Variants in BMPR1B observed in about 807,000 individuals in gnomAD.
The protein encoded by BMPR1B is bone morphogenetic protein receptor type-1B.
In BMPR1B, 12 loss-of-function variants were observed where a neutral mutation model predicts 59.1. The ratio of observed to expected loss-of-function variants is 0.20; its 90% CI spans 0.13 to 0.33. The LOEUF (loss-of-function observed/expected upper bound fraction) is 0.33, where lower values mean the gene tolerates loss of function less well. Among genes scored for constraint, BMPR1B ranks in the 10% least tolerant of loss-of-function variants. The probability of loss-of-function intolerance (pLI) is 1.00; values close to 1 mark genes in which losing one functional copy is unlikely to be tolerated. For missense variants in BMPR1B, 550 were observed against 610.9 expected (o/e 0.90, Z 1.05); for synonymous variants, 237 against 207.3 (o/e 1.14, Z -1.23).
At chr4:94,962,084 C>T (rs1403661092) in intron 2 of BMPR1B, among the ~76,000 whole-genome samples, 174 of 103,968 alleles carry the variant, frequency 1.7e-3, no homozygotes, top group African/African-American at 4.2e-3. Flanking sequence ...TCCTTCCTTC[C>T]TTCCTTCCTT....
rs968231969 is a variant in BMPR1B at position 94,942,340 on chromosome 4, T to C, written c.-112-53700T>C. The stretch of plus-strand genomic sequence containing the variant: ...TAAAGAAGTAAACAACATGTCTTTA[T>C]ATAATTTCTTTTGTATCTTTAAAAT... On this transcript the variant is annotated intron_variant, in intron 2 of 12. Coordinates refer to ENST00000515059, the MANE Select transcript of BMPR1B (RefSeq NM_001203.3). Among the ~76,000 whole-genome samples, 15 of 152,364 alleles carry C rather than the reference T, an allele frequency of 9.8e-5. No homozygotes were observed. In the East Asian group the frequency reaches 2.9e-3, roughly 29 times the overall value.
chr4:94,981,695 T>C (rs1022328294), intron 2 of BMPR1B, among the ~76,000 whole-genome samples: 3 of 152,210 alleles, frequency 2.0e-5, no homozygotes, highest in Non-Finnish European at 4.4e-5. Flanking sequence ...TATTTTCCAC[T>C]AAATACACTC....
intron 3 of BMPR1B, among the ~76,000 whole-genome samples, chr4:95,009,271 A>G (rs1382503174): frequency 1.3e-5 from 2 of 152,202 alleles, no homozygotes; most frequent in Non-Finnish European, 2.9e-5. Context: ...CTAGGTATAT[A>G]TCCTATAGAA....
chr4:94,913,673 C>T (rs1234884907), intron 2 of BMPR1B, among the ~76,000 whole-genome samples: 2 of 151,370 alleles, frequency 1.3e-5, no homozygotes, highest in African/African-American at 4.9e-5. Context: ...GTGTAGCCTA[C>T]AATGTTTCAG....
intron 2 of BMPR1B, among the ~76,000 whole-genome samples, chr4:94,937,538 T>A (rs984336516): frequency 6.6e-6 from 1 of 152,228 alleles, no homozygotes; most frequent in African/African-American, 2.4e-5. Context: ...AGCACCCTGC[T>A]ATTCATAGTG....
chr4:94,817,834 C>T (rs956261724), intron 1 of BMPR1B, among the ~76,000 whole-genome samples: 1 of 152,132 alleles, frequency 6.6e-6, no homozygotes, highest in Non-Finnish European at 1.5e-5. Flanking sequence ...TCTCCTTTTC[C>T]AACTACTTTC....
At chr4:94,942,316 AAAG>A (rs1476454664) in intron 2 of BMPR1B, among the ~76,000 whole-genome samples, 3 of 152,216 alleles carry the variant, frequency 2.0e-5, no homozygotes, top group Non-Finnish European at 4.4e-5. Flanking sequence ...CCTCCTTAAT[AAAG>A]AAGTAAACAA....
intron 1 of BMPR1B, among the ~76,000 whole-genome samples, chr4:94,829,146 C>G (rs970612994): frequency 1.3e-5 from 2 of 151,936 alleles, no homozygotes; most frequent in African/African-American, 2.4e-5. Context: ...CTGACTGTAC[C>G]TTAAGTTTAT....
chr4:94,920,514 C>T (rs879468567), intron 2 of BMPR1B, among the ~76,000 whole-genome samples: 1 of 152,264 alleles, frequency 6.6e-6, no homozygotes, highest in African/African-American at 2.4e-5. Context: ...GAATGCAATG[C>T]CAAGGCCTCC....
At chr4:94,942,898 A>C (rs1203145724) in intron 2 of BMPR1B, among the ~76,000 whole-genome samples, 1 of 152,208 alleles carries the variant, frequency 6.6e-6, no homozygotes, top group Non-Finnish European at 1.5e-5. Context: ...GGAACTATCT[A>C]ACACTTTCTC....
chr4:94,994,261 A>G (rs1721924439), intron 2 of BMPR1B, among the ~76,000 whole-genome samples: 1 of 152,190 alleles, frequency 6.6e-6, no homozygotes, highest in South Asian at 2.1e-4. Context: ...TTTTGTTTTT[A>G]ACTACTTTCT....
chr4:95,050,843 TTA>T (rs1411582934), intron 3 of BMPR1B, among the ~76,000 whole-genome samples: 1 of 152,190 alleles, frequency 6.6e-6, no homozygotes, highest in East Asian at 1.9e-4. Flanking sequence ...TTAACAGTTC[TTA>T]GAGTAAAACA....
rs116614040 is a variant in BMPR1B, at chr4:95,112,140, A to G, written c.144-2580A>G. Among the ~76,000 whole-genome samples, 1,386 of 152,214 alleles carry G rather than the reference A, an allele frequency of 9.1e-3. 17 individuals carry two copies. The highest frequency in any genetic ancestry group is 0.031 in the African/African-American group (1,300 of 41,542). On this transcript the variant is annotated intron_variant, in intron 4 of 12. Transcript: ENST00000515059. ...TTTTATTTCATTCATAATCATTACT[A>G]CAGTTCCCTGATTCATCCTATGTTC...
At chr4:95,030,115 G>T (rs1471456507) in intron 3 of BMPR1B, among the ~76,000 whole-genome samples, 10 of 151,808 alleles carry the variant, frequency 6.6e-5, no homozygotes, top group African/African-American at 1.9e-4. Flanking sequence ...AAGCTCTTTA[G>T]TTTAATGAGA....
At chr4:94,992,199 A>G (rs1261600513) in intron 2 of BMPR1B, among the ~76,000 whole-genome samples, 1 of 152,220 alleles carries the variant, frequency 6.6e-6, no homozygotes, top group Non-Finnish European at 1.5e-5. Flanking sequence ...AGTAAGGTGT[A>G]TCAGTTACTT....
chr4:94,975,494 C>G (rs1374566558), intron 2 of BMPR1B, among the ~76,000 whole-genome samples: 1 of 149,698 alleles, frequency 6.7e-6, no homozygotes, highest in Non-Finnish European at 1.5e-5. Context: ...TCCCAAATAG[C>G]TGGGACTACA....
At chr4:94,804,814 A>G (rs1014401815) in intron 1 of BMPR1B, among the ~76,000 whole-genome samples, 1 of 152,172 alleles carries the variant, frequency 6.6e-6, no homozygotes, top group Non-Finnish European at 1.5e-5. Flanking sequence ...GTTAGATCCA[A>G]TTAGAGTTTT....
chr4:95,050,284 C>G (rs1235458842), intron 3 of BMPR1B, among the ~76,000 whole-genome samples: 1 of 152,246 alleles, frequency 6.6e-6, no homozygotes, highest in South Asian at 2.1e-4. Context: ...TACCACCAAC[C>G]TCCATGTTTC....
At chr4:94,907,247 A>G (rs1263340170) in intron 2 of BMPR1B, among the ~76,000 whole-genome samples, 1 of 152,114 alleles carries the variant, frequency 6.6e-6, no homozygotes, top group Non-Finnish European at 1.5e-5. Flanking sequence ...ACTATACCAT[A>G]AACCCTAGAA....
Sources: allele counts gnomAD v4.1 joint callset (sites outside exome capture counted in the v4.1 genomes callset), GRCh38; gene constraint gnomAD v4.1.1; transcripts MANE v1.5; gene names NCBI Gene and HGNC (gene_info 2026-07-23, HGNC 2026-07-21).